The following PCDHA10 variants were observed in gnomAD, a reference collection of about 807,000 sequenced individuals.
The protein encoded by PCDHA10 is protocadherin alpha 10.
A neutral mutation model predicts 61.2 loss-of-function variants in PCDHA10; 45 were observed. The ratio of observed to expected loss-of-function variants is 0.74; its 90% CI spans 0.58 to 0.94. PCDHA10 has a LOEUF of 0.94. PCDHA10 is among the 40% of genes least tolerant of loss of function. The pLI, the probability that PCDHA10 is intolerant of heterozygous loss-of-function variation, is 0.00. For synonymous variants in PCDHA10, 602 were observed against 548.8 expected (o/e 1.10, Z -1.35); for missense variants, 1,278 against 1,236.2 (o/e 1.03, Z -0.51).
At chr5:140,888,557 T>G (rs2153424359) in intron 1 of PCDHA10, among the ~76,000 whole-genome samples, 1 of 152,366 alleles carries the variant, frequency 6.6e-6, no homozygotes, top group East Asian at 1.9e-4. Flanking sequence ...TTTATTCCTT[T>G]CAAGGCTTCA....
chr5:140,986,545 G>T (rs1554248133), intron 3 of PCDHA10, among the ~76,000 whole-genome samples: 1 of 152,172 alleles, frequency 6.6e-6, no homozygotes, highest in East Asian at 1.9e-4. Context: ...GCTTCAGTGG[G>T]CCAGGCTGCT....
At chr5:141,007,535 T>C (rs1588169762) in intron 3 of PCDHA10, among the ~76,000 whole-genome samples, 1 of 152,050 alleles carries the variant, frequency 6.6e-6, no homozygotes, top group South Asian at 2.1e-4. Context: ...GCCACTGCAC[T>C]CCAGCTTGGG....
In PCDHA10 at chr5:140,928,308, C is replaced by T. The variant is rs1554205728; in HGVS notation, c.2389-50641C>T. On this transcript the variant is annotated intron_variant, in intron 1 of 3. Transcript: ENST00000307360. The stretch of plus-strand genomic sequence containing the variant: ...TAGGCCGAGTGTTTGCCCAGGACCC[C>T]GACCTGGGGAAGAATGGCCTTGTCT... 3.7e-6 allele frequency: 6 copies of T among 1,614,008 alleles called. No individual in the cohort carries two copies. The South Asian group carries it at 5.5e-5, about 15-fold the overall frequency.
chr5:140,926,906 G>A (rs781809570), intron 1 of PCDHA10: 1 of 1,559,584 alleles, frequency 6.4e-7, no homozygotes, highest in Admixed American at 1.8e-5. Context: ...GTGGGCTGTG[G>A]GGTGGCAGTT....
At chr5:140,868,380 G>T (rs2050428157) in intron 1 of PCDHA10, 1 of 152,028 alleles carries the variant, frequency 6.6e-6, no homozygotes, top group South Asian at 2.1e-4. Context: ...AGTAAAGAAT[G>T]AGAACTATAG....
At chr5:140,910,095 C>T (rs1011405673) in intron 1 of PCDHA10, among the ~76,000 whole-genome samples, 1 of 152,188 alleles carries the variant, frequency 6.6e-6, no homozygotes, top group Non-Finnish European at 1.5e-5. Flanking sequence ...GAACCAGCCT[C>T]CCCTTCATTT....
chr5:140,941,828 A>T (rs2093176954), intron 1 of PCDHA10, among the ~76,000 whole-genome samples: 1 of 152,218 alleles, frequency 6.6e-6, no homozygotes, highest in Non-Finnish European at 1.5e-5. Flanking sequence ...TGCTGTAAAT[A>T]ATTTAGGCTG....
chr5:140,967,385 C>G (rs2096135382), intron 1 of PCDHA10: 1 of 1,608,920 alleles, frequency 6.2e-7, no homozygotes, highest in African/African-American at 1.3e-5. Flanking sequence ...CAGTAAAGTG[C>G]TTGAGCTGGT....
At chr5:140,917,324 C>CGG (rs1299895515) in intron 1 of PCDHA10, among the ~76,000 whole-genome samples, 73 of 76,040 alleles carry the variant, frequency 9.6e-4, no homozygotes, top group South Asian at 2.7e-3. Flanking sequence ...GTTCATGTGG[C>CGG]GGGGGAGGGG....
At chr5:140,954,591 G>A (rs951330274) in intron 1 of PCDHA10, among the ~76,000 whole-genome samples, 3 of 152,062 alleles carry the variant, frequency 2.0e-5, no homozygotes, top group Non-Finnish European at 2.9e-5. Context: ...GTCTGTTCAT[G>A]TTCTTTGCCC....
chr5:140,927,630 A>G (rs1408351955), intron 1 of PCDHA10: 3 of 1,614,064 alleles, frequency 1.9e-6, no homozygotes, highest in Non-Finnish European at 2.5e-6. Flanking sequence ...CAGAGACTGC[A>G]CCCAATGGGA....
At chr5:140,886,605 A>G (rs998772471) in intron 1 of PCDHA10, among the ~76,000 whole-genome samples, 2 of 152,108 alleles carry the variant, frequency 1.3e-5, no homozygotes, top group Non-Finnish European at 2.9e-5. Flanking sequence ...AGGTGGGCGG[A>G]TCAGGAGATC....
chr5:140,882,100 C>T, intron 1 of PCDHA10: 1 of 1,277,590 alleles, frequency 7.8e-7, no homozygotes, highest in Non-Finnish European at 1.1e-6. Flanking sequence ...AGAACGTTTC[C>T]GCGAAGAAAG....
At chr5:140,907,591 C>T (rs539639384) in intron 1 of PCDHA10, among the ~76,000 whole-genome samples, 10 of 152,294 alleles carry the variant, frequency 6.6e-5, no homozygotes, top group African/African-American at 2.4e-4. Flanking sequence ...GGCTGATCAC[C>T]CTGAGGAATG....
At chr5:140,981,041 A>C (rs72802989) in intron 2 of PCDHA10, among the ~76,000 whole-genome samples, 7,382 of 152,278 alleles carry the variant, frequency 0.048, 205 homozygotes, top group Non-Finnish European at 0.065. Context: ...GGGAAAAAAA[A>C]CAGATAATTC....
Position 140,857,107 on chromosome 5 carries a change from T to C in PCDHA10, c.1059T>C (p.Ser353=), listed in dbSNP as rs1206126233. 6.3e-7 allele frequency: 1 copy of C among 1,597,628 alleles called. No individual in the cohort carries two copies. Among genetic ancestry groups the C allele is most frequent in the Non-Finnish European group, 8.6e-7 (1 of 1,167,334 alleles). Residue 353 remains serine, a synonymous_variant, in exon 1 of 4, where the codon TCT becomes TCC. Coordinates refer to ENST00000307360, the MANE Select transcript of PCDHA10 (RefSeq NM_018901.4). ...ATTCACCTGAGGTGATTGTCACTTC[T>C]CTGTCTCTCCCAGTGAAAGAAGATG... The part of the protein sequence containing the change: ...NDNSPEVIVT[S]LSLPVKEDAQ...
At chr5:140,888,983 T>C (rs193278447) in intron 1 of PCDHA10, among the ~76,000 whole-genome samples, 22 of 152,266 alleles carry the variant, frequency 1.4e-4, no homozygotes, top group African/African-American at 5.1e-4. Flanking sequence ...AATTTATGAT[T>C]TATGATTTTC....
intron 3 of PCDHA10, among the ~76,000 whole-genome samples, chr5:141,000,419 A>G (rs1394449061): frequency 1.6e-5 from 1 of 61,008 alleles, no homozygotes; most frequent in African/African-American, 7.6e-5. Flanking sequence ...ATATATATAT[A>G]TATTTTTTTT....
intron 1 of PCDHA10, chr5:140,967,330 C>G: frequency 6.2e-7 from 1 of 1,608,074 alleles, no homozygotes; most frequent in South Asian, 1.1e-5. Context: ...ACGAGCTCAG[C>G]CCCAGCGAGC....
Sources: allele counts gnomAD v4.1 joint callset (sites outside exome capture counted in the v4.1 genomes callset), GRCh38; gene constraint gnomAD v4.1.1; transcripts MANE v1.5; gene names NCBI Gene and HGNC (gene_info 2026-07-23, HGNC 2026-07-21).